The following AKAP13 variants were observed in gnomAD, a reference collection of about 807,000 sequenced individuals.
The protein encoded by AKAP13 is A-kinase anchoring protein 13.
Under a neutral mutation model 264.5 loss-of-function variants are expected in AKAP13, and 80 were observed. The ratio of observed to expected loss-of-function variants is 0.30; its 90% CI spans 0.25 to 0.36. The LOEUF (loss-of-function observed/expected upper bound fraction) is 0.36, where lower values mean the gene tolerates loss of function less well. Ranked by LOEUF, AKAP13 falls within the 10% of genes least tolerant of loss-of-function variation. AKAP13 has a pLI of 1.00. For synonymous variants in AKAP13, 1,380 were observed against 1,250.2 expected, an observed-to-expected ratio of 1.10 and a Z score of -2.19; for missense variants, 3,712 against 3,435.2, an observed-to-expected ratio of 1.08 and a Z score of -2.01.
intron 10 of AKAP13, among the ~76,000 whole-genome samples, chr15:85,648,132 T>C (rs199879163): frequency 4.4e-4 from 67 of 152,334 alleles, no homozygotes; most frequent in African/African-American, 3.8e-4. Flanking sequence ...TCTGAAGATA[T>C]GTGTCGCTAA....
rs2079108540 is a variant in AKAP13 at position 85,579,114 on chromosome 15, A to G, written c.1046A>G (p.Gln349Arg). Residue 349 changes from glutamine (Q) to arginine (R), a missense_variant, in exon 7 of 37, where the codon CAG (glutamine) becomes CGG (arginine). Around this residue, in one of 3 missense-constraint regions of AKAP13, gnomAD observed 2,759 missense variants for 2,411.7 expected, o/e 1.14. Coordinates refer to ENST00000394518, the MANE Select transcript of AKAP13 (RefSeq NM_007200.5). Reference protein sequence around the residue: ...TQCCPGSPVAQTESPCDLSSI... With the variant: ...TQCCPGSPVARTESPCDLSSI... ...TGCTGCCCAGGGAGCCCTGTTGCAC[A>G]GACTGAAAGTCCCTGTGATTTGTCA... is the stretch of plus-strand genomic sequence containing the variant. The G allele has an allele frequency of 6.2e-7, 1 of 1,614,088 alleles. No homozygotes were observed.
chr15:85,570,799 G>A (rs952338860), intron 5 of AKAP13, among the ~76,000 whole-genome samples: 2 of 152,148 alleles, frequency 1.3e-5, no homozygotes, highest in South Asian at 4.1e-4. Context: ...GCTGGAGTGG[G>A]GAAGGAGCTA....
intron 4 of AKAP13, chr15:85,536,023 A>C (rs1278040341): frequency 6.6e-6 from 1 of 152,106 alleles, no homozygotes; most frequent in Non-Finnish European, 1.5e-5. Flanking sequence ...GCTGGTCTTG[A>C]ACTCCTGAGC....
intron 2 of AKAP13, among the ~76,000 whole-genome samples, chr15:85,516,056 C>A (rs904863670): frequency 1.3e-5 from 2 of 152,114 alleles, no homozygotes; most frequent in African/African-American, 4.8e-5. Context: ...TATTAAAATT[C>A]CACCTAGGAA....
At chr15:85,440,090 G>T (rs1308736687) in intron 1 of AKAP13, among the ~76,000 whole-genome samples, 2 of 152,138 alleles carry the variant, frequency 1.3e-5, no homozygotes, top group African/African-American at 2.4e-5. Flanking sequence ...AGTGTTGGCA[G>T]TGTTCTGTGC....
At chr15:85,496,546 G>A (rs1466259008) in intron 2 of AKAP13, among the ~76,000 whole-genome samples, 4 of 152,138 alleles carry the variant, frequency 2.6e-5, no homozygotes, top group Non-Finnish European at 4.4e-5. Context: ...CAGAAATTAG[G>A]TTACCTCAGC....
At chr15:85,513,141 A>T (rs774546669) in intron 2 of AKAP13, among the ~76,000 whole-genome samples, 2 of 152,276 alleles carry the variant, frequency 1.3e-5, no homozygotes, top group East Asian at 3.9e-4. Context: ...GTTTAGTGAT[A>T]AAAACGTCTG....
At chr15:85,524,237 G>T (rs892548274) in intron 3 of AKAP13, among the ~76,000 whole-genome samples, 1 of 136,772 alleles carries the variant, frequency 7.3e-6, no homozygotes, top group Non-Finnish European at 1.5e-5. Flanking sequence ...GAATGCAATG[G>T]CACGATCTTG....
At chr15:85,467,075 TACACACACAC>T (rs3054059) in intron 1 of AKAP13, among the ~76,000 whole-genome samples, 2 of 149,388 alleles carry the variant, frequency 1.3e-5, no homozygotes, top group Non-Finnish European at 3.0e-5. Context: ...TTGTATTAAC[TACACACACAC>T]ACACACACAC....
intron 36 of AKAP13, 85 bp from the exon 37 acceptor site, chr15:85,744,543 A>T: frequency 6.9e-7 from 1 of 1,446,498 alleles, no homozygotes. Context: ...TGTTTGCATT[A>T]CAGAAGACTT....
intron 8 of AKAP13, among the ~76,000 whole-genome samples, chr15:85,628,192 C>T (rs2081522306): frequency 6.6e-6 from 1 of 152,136 alleles, no homozygotes; most frequent in Non-Finnish European, 1.5e-5. Flanking sequence ...CCTTCGTAAC[C>T]CAAGGCATTT....
Position 85,727,410 on chromosome 15 carries a change from GTGAGAA to G in AKAP13, c.7039_7044del (p.Asn2347_Glu2348del). On this transcript the variant is annotated inframe_deletion, in exon 29 of 37. Coordinates refer to ENST00000394518, the MANE Select transcript of AKAP13 (RefSeq NM_007200.5). This position sits in a 1 kb window ranked among gnomAD's most constrained non-coding sequence, Gnocchi z 5.3. ...AGAGATGAAGATGAAGGAATTCCTAGTGAGAATGAGGAAGAAAAGAAAATGTTGGAC... is the reference window on the plus strand; with the variant it reads ...AGAGATGAAGATGAAGGAATTCCTAGTGAGGAAGAAAAGAAAATGTTGGAC... The G allele has an allele frequency of 2.5e-6, 4 of 1,614,212 alleles. No individual in the cohort carries two copies. The highest frequency in any genetic ancestry group is 3.4e-6 in the Non-Finnish European group (4 of 1,180,034).
At chr15:85,642,851 C>G (rs560966976) in intron 9 of AKAP13, among the ~76,000 whole-genome samples, 1 of 152,148 alleles carries the variant, frequency 6.6e-6, no homozygotes, top group African/African-American at 2.4e-5. Flanking sequence ...AGCTGGACAG[C>G]GAGCAGCTCA....
intron 9 of AKAP13, among the ~76,000 whole-genome samples, chr15:85,643,755 A>G (rs2082418435): frequency 6.6e-6 from 1 of 152,166 alleles, no homozygotes; most frequent in Non-Finnish European, 1.5e-5. Context: ...TGCCCCTGGA[A>G]CAGTACAGAG....
chr15:85,544,392 A>T (rs538656763), intron 5 of AKAP13, among the ~76,000 whole-genome samples: 1 of 152,314 alleles, frequency 6.6e-6, no homozygotes, highest in South Asian at 2.1e-4. Flanking sequence ...TCCATATTAT[A>T]ATTGCATACA....
chr15:85,499,943 G>C (rs1270205929), intron 2 of AKAP13, among the ~76,000 whole-genome samples: 1 of 152,134 alleles, frequency 6.6e-6, no homozygotes, highest in Non-Finnish European at 1.5e-5. Context: ...TTCTATCACA[G>C]TACTTTGTGC....
At chr15:85,705,093 A>G (rs906105825) in intron 17 of AKAP13, among the ~76,000 whole-genome samples, 2 of 152,198 alleles carry the variant, frequency 1.3e-5, no homozygotes, top group African/African-American at 4.8e-5. Flanking sequence ...ACATGTTTCA[A>G]TTAATTAAAA....
intron 11 of AKAP13, 96 bp downstream of exon 11, chr15:85,655,883 C>G: frequency 6.7e-7 from 1 of 1,482,802 alleles, no homozygotes; most frequent in Admixed American, 2.3e-5. Context: ...TTTAGGAGAC[C>G]CCATAGTATA....
At chr15:85,479,583 T>A (rs915570683) in intron 1 of AKAP13, among the ~76,000 whole-genome samples, 1 of 152,174 alleles carries the variant, frequency 6.6e-6, no homozygotes, top group Admixed American at 6.5e-5. Context: ...TGCCCCCTCC[T>A]ATTTTTTTGT....
Sources: allele counts gnomAD v4.1 joint callset (sites outside exome capture counted in the v4.1 genomes callset), GRCh38; gene constraint gnomAD v4.1.1; regional missense constraint gnomAD v4.1.1; non-coding constraint Gnocchi (gnomAD v3.1); transcripts MANE v1.5; gene names NCBI Gene and HGNC (gene_info 2026-07-23, HGNC 2026-07-21).